GSPT1: variants seen among roughly 807,000 people sequenced by gnomAD.
GSPT1 encodes G1 to S phase transition 1, also known as eukaryotic peptide chain release factor GTP-binding subunit ERF3A.
In GSPT1, 20 loss-of-function variants were observed where a neutral mutation model predicts 72.5. That is an observed-to-expected ratio of 0.28 (90% CI 0.19 to 0.40). GSPT1 has a LOEUF of 0.40. Among genes scored for constraint, GSPT1 ranks in the 10% least tolerant of loss-of-function variants. The pLI is 1.00. For synonymous variants in GSPT1, 334 were observed against 293.5 expected (o/e 1.14, Z -1.41); for missense variants, 580 against 811.9 (o/e 0.71, Z 3.47).
Position 11,887,767 on chromosome 16 carries a change from A to C in GSPT1, c.777-17T>G. On this transcript the variant is annotated splice_polypyrimidine_tract_variant and intron_variant, in intron 6 of 14. Transcript: ENST00000434724. ...GACAAGTACCTGAAATAATTTTTAA[A>C]AAAAGAACAATATTCCTAAGAACAT... The C allele has an allele frequency of 1.3e-6, 2 of 1,545,800 alleles. No individual in the cohort carries two copies. The highest frequency in any genetic ancestry group is 1.8e-6 in the Non-Finnish European group (2 of 1,129,080).
intron 1 of GSPT1, among the ~76,000 whole-genome samples, chr16:11,901,135 CGA>C (rs2054401074): frequency 6.6e-6 from 1 of 152,088 alleles, no homozygotes; most frequent in East Asian, 1.9e-4. Context: ...CCAGCCTGGG[CGA>C]GAGAGTGACA....
chr16:11,892,531 A>AATAAATAAAAAAAT (rs1567443313), intron 5 of GSPT1, among the ~76,000 whole-genome samples: 1 of 139,864 alleles, frequency 7.1e-6, no homozygotes, highest in African/African-American at 2.8e-5. Context: ...AACAAAAAAA[A>AATAAATAAAAAAAT]CAAAAAATAA....
chr16:11,900,170 C>T (rs2054387814), intron 1 of GSPT1, among the ~76,000 whole-genome samples: 1 of 151,850 alleles, frequency 6.6e-6, no homozygotes, highest in South Asian at 2.1e-4. Context: ...CCTGTCTCTA[C>T]TGAAAATACA....
chr16:11,900,762 G>A (rs2054395878), intron 1 of GSPT1, among the ~76,000 whole-genome samples: 1 of 152,168 alleles, frequency 6.6e-6, no homozygotes, highest in African/African-American at 2.4e-5. Context: ...ATCACTAACT[G>A]TAACAGCTTT....
chr16:11,898,235 C>T (rs1400555292), intron 1 of GSPT1, among the ~76,000 whole-genome samples, 200 bp from the exon 2 acceptor site: 2 of 152,150 alleles, frequency 1.3e-5, no homozygotes, highest in African/African-American at 2.4e-5. Context: ...TAATTACAGC[C>T]AATTTTGAAA....
At position 11,877,162 on chromosome 16, in the gene GSPT1, C is replaced by T. The variant is rs541133202; in HGVS notation, c.1602+245G>A. On this transcript the variant is annotated intron_variant, in intron 12 of 14. Coordinates refer to ENST00000434724, the MANE Select transcript of GSPT1 (RefSeq NM_002094.4). This position sits in a 1 kb window ranked among gnomAD's most constrained non-coding sequence, Gnocchi z 4.0. ...ACTGTAGAATGTATCATCAGGAGAT[C>T]AAACATAAAAAGGAACTTACAAAGA... Among the ~76,000 whole-genome samples, 2 of 152,134 alleles carry T rather than the reference C, an allele frequency of 1.3e-5. No individual in the cohort carries two copies. Among genetic ancestry groups the T allele is most frequent in the African/African-American group, 4.8e-5 (2 of 41,416 alleles).
chr16:11,893,979 A>C (rs1205337176), intron 5 of GSPT1, among the ~76,000 whole-genome samples: 2 of 151,738 alleles, frequency 1.3e-5, no homozygotes, highest in Admixed American at 6.6e-5. Context: ...ATATGATGAA[A>C]CACCACCTCT....
chr16:11,892,525 A>C (rs1331453867), intron 5 of GSPT1, among the ~76,000 whole-genome samples: 1 of 141,858 alleles, frequency 7.0e-6, no homozygotes, highest in African/African-American at 2.8e-5. Flanking sequence ...AAAAAAAACA[A>C]AAAAAACAAA....
Position 11,896,649 on chromosome 16 carries a change from C to T in GSPT1, c.573G>A (p.Glu191=), listed in dbSNP as rs2054343339. 6.2e-7 allele frequency: 1 copy of T among 1,609,596 alleles called. No homozygotes were observed. The highest frequency in any genetic ancestry group is 1.1e-5 in the South Asian group (1 of 89,938). The part of the protein sequence containing the change: ...PEESAHEMME[E]EEEIPKPKSV... ...ACTTAGGTTTTGGGATTTCCTCTTC[C>T]TCCTCCATCATTTCATGGGCACTTT... Residue 191 remains glutamate, a synonymous_variant, in exon 4 of 15, where the codon GAG becomes GAA. Coordinates refer to ENST00000434724, the MANE Select transcript of GSPT1 (RefSeq NM_002094.4).
At position 11,915,489 on chromosome 16, in the gene GSPT1, G is replaced by T; in HGVS notation, c.232C>A (p.Pro78Thr). Residue 78 changes from proline to threonine, a missense_variant, in exon 1 of 15, where the codon CCC becomes ACC. This residue lies in a region of GSPT1 where 327 missense variants were observed against 298.8 expected (regional missense o/e 1.09). Transcript: ENST00000434724. ...QLNVNAKPFV[P>T]NVHAAEFVPS... ...ACGAACTCGGCGGCGTGGACGTTGG[G>T]CACGAAGGGCTTGGCGTTGACGTTG... The T allele has an allele frequency of 6.4e-7, 1 of 1,553,272 alleles. No homozygotes were observed.
chr16:11,887,898 C>T, intron 6 of GSPT1, 148 bp from the exon 7 acceptor site: 1 of 653,954 alleles, frequency 1.5e-6, no homozygotes, highest in Non-Finnish European at 2.6e-6. Context: ...GGTGCGGTGG[C>T]TCACATCTGT....
intron 1 of GSPT1, among the ~76,000 whole-genome samples, chr16:11,905,097 G>C (rs893500137): frequency 6.6e-6 from 1 of 152,190 alleles, no homozygotes; most frequent in Non-Finnish European, 1.5e-5. Flanking sequence ...CAGGCATCCT[G>C]AGTGAAACTG....
chr16:11,872,661 T>G lies in GSPT1; in HGVS notation c.*458A>C, dbSNP rs1400113312. 1 of 152,976 alleles carries G rather than the reference T, an allele frequency of 6.5e-6. No homozygotes were observed. The highest frequency in any genetic ancestry group is 1.5e-5 in the Non-Finnish European group (1 of 68,520). 9.5% of individuals were successfully genotyped at this position (152,976 alleles called of 1,614,324 possible). On this transcript the variant is annotated 3_prime_UTR_variant, in exon 15 of 15. Transcript: ENST00000434724. Reference sequence around the variant, plus strand: ...GATAAAAAACATTATTCAAAAGCAATTCAAATACCGAAAAGGATTTCAAAT... The same window carrying G: ...GATAAAAAACATTATTCAAAAGCAAGTCAAATACCGAAAAGGATTTCAAAT...
At chr16:11,902,086 T>A in intron 1 of GSPT1, among the ~76,000 whole-genome samples, 1 of 94,480 alleles carries the variant, frequency 1.1e-5, no homozygotes. Flanking sequence ...CGAAACTCCA[T>A]CTTAAAAAAA....
rs1254325794 is a variant in GSPT1 at position 11,915,775 on chromosome 16, G to A, written c.-55C>T. 2 of 1,572,112 alleles carry A rather than the reference G, an allele frequency of 1.3e-6. No homozygotes were observed. Among genetic ancestry groups the A allele is most frequent in the Non-Finnish European group, 1.7e-6 (2 of 1,165,678 alleles). On this transcript the variant is annotated 5_prime_UTR_variant, in exon 1 of 15. Coordinates refer to ENST00000434724, the MANE Select transcript of GSPT1 (RefSeq NM_002094.4). ...GAGAGCGGGAAATGGAGGCAGGGGC[G>A]CCCGGCCGGAGAGGAGTGGGCAACG...
At chr16:11,914,927 T>G in intron 1 of GSPT1, 2 of 983,752 alleles carry the variant, frequency 2.0e-6, no homozygotes, top group Non-Finnish European at 2.8e-6. Context: ...CGGCTGGGCC[T>G]AAGGTGAAAG....
intron 11 of GSPT1, among the ~76,000 whole-genome samples, chr16:11,878,212 TTCA>T (rs2054071397): frequency 6.6e-6 from 1 of 152,108 alleles, no homozygotes; most frequent in South Asian, 2.1e-4. Flanking sequence ...GCCTCCTGGG[TTCA>T]AGCCATTCTC....
chr16:11,896,724 A>G lies in GSPT1; in HGVS notation c.498T>C (p.Ser166=). 1 of 1,605,292 alleles carries G rather than the reference A, an allele frequency of 6.2e-7. No individual in the cohort carries two copies. Among genetic ancestry groups the G allele is most frequent in the Non-Finnish European group, 8.5e-7 (1 of 1,175,712 alleles). ...AGGAACCACCCCCTGGCTCTGCTTCACTTATTTCTTCTTTGTGCTCCCATG... is the reference window on the plus strand; with the variant it reads ...AGGAACCACCCCCTGGCTCTGCTTCGCTTATTTCTTCTTTGTGCTCCCATG... The part of the protein sequence containing the change: ...EESWEHKEEI[S]EAEPGGGSLG... The change falls in exon 4 of 15, where the codon AGT becomes AGC. Residue 166 remains serine (S), a synonymous_variant. Transcript: ENST00000434724.
intron 11 of GSPT1, among the ~76,000 whole-genome samples, chr16:11,879,886 T>C (rs575036621): frequency 6.6e-6 from 1 of 152,308 alleles, no homozygotes; most frequent in South Asian, 2.1e-4. Context: ...AAATTTACCA[T>C]CATAACCATT....
Sources: gnomAD v4.1 joint callset for allele counts (sites outside exome capture counted in the v4.1 genomes callset) on GRCh38, gnomAD v4.1.1 for gene constraint, gnomAD v4.1.1 regional missense constraint, Gnocchi (gnomAD v3.1) non-coding constraint, MANE v1.5 for transcripts, NCBI Gene and HGNC (gene_info 2026-07-23, HGNC 2026-07-21) for gene names.